The following IFT74 variants were observed in gnomAD, a reference collection of about 807,000 sequenced individuals.
The protein encoded by IFT74 is intraflagellar transport protein 74 homolog.
A neutral mutation model predicts 96.7 loss-of-function variants in IFT74; 92 were observed. That is an observed-to-expected ratio of 0.95 (90% CI 0.80 to 1.13). IFT74 has a LOEUF of 1.13. IFT74 is among the 50% of genes most tolerant of loss of function. The probability of loss-of-function intolerance (pLI) is 0.00; values close to 1 mark genes in which losing one functional copy is unlikely to be tolerated. For synonymous variants in IFT74, 223 were observed against 213.2 expected (o/e 1.05, Z -0.40); for missense variants, 811 against 698.2 (o/e 1.16, Z -1.82).
intron 8 of IFT74, among the ~76,000 whole-genome samples, chr9:27,002,643 T>C (rs1587329417): frequency 6.6e-6 from 1 of 152,224 alleles, no homozygotes; most frequent in Admixed American, 6.5e-5. Flanking sequence ...ATTCCATTGG[T>C]CTATGGATCT....
chr9:27,003,119 A>G (rs1828586757), intron 8 of IFT74, among the ~76,000 whole-genome samples: 1 of 151,912 alleles, frequency 6.6e-6, no homozygotes, highest in East Asian at 1.9e-4. Flanking sequence ...AATTCTACCA[A>G]TTTTTATATG....
At chr9:26,987,412 A>G (rs980059995) in intron 6 of IFT74, among the ~76,000 whole-genome samples, 1 of 152,148 alleles carries the variant, frequency 6.6e-6, no homozygotes, top group Non-Finnish European at 1.5e-5. Flanking sequence ...TTTTAAAGGT[A>G]TGAAATGACA....
At chr9:26,948,445 ATTATTTTTTTTTTTTTT>A (rs1825818672) in intron 1 of IFT74, among the ~76,000 whole-genome samples, 1 of 47,312 alleles carries the variant, frequency 2.1e-5, no homozygotes, top group African/African-American at 5.9e-5. Flanking sequence ...ATGGCTTTCC[ATTATTTTTTTTTTTTTT>A]TTTTTTTTTT....
upstream of IFT74, among the ~76,000 whole-genome samples, chr9:26,953,804 C>A (rs1826004944): frequency 6.7e-6 from 1 of 149,830 alleles, no homozygotes; most frequent in South Asian, 2.1e-4. Context: ...GCCACCACAC[C>A]TGGCCAAAAA....
chr9:26,974,763 T>C (rs1475219917), intron 2 of IFT74, among the ~76,000 whole-genome samples: 1 of 152,158 alleles, frequency 6.6e-6, no homozygotes, highest in Non-Finnish European at 1.5e-5. Flanking sequence ...AGGTATATAA[T>C]TGAGGTCCTA....
chr9:26,975,134 G>A (rs7034888), intron 2 of IFT74, among the ~76,000 whole-genome samples: 15,463 of 152,094 alleles, frequency 0.1, 1,807 homozygotes, highest in East Asian at 0.65. Flanking sequence ...GACCTGAGGC[G>A]GCAGCAGCTG....
chr9:26,998,346 G>GA (rs926676241), intron 8 of IFT74: 96 of 631,328 alleles, frequency 1.5e-4, no homozygotes, highest in African/African-American at 1.0e-3. Flanking sequence ...GTTATTTTGG[G>GA]AAAAAAACCT....
At chr9:26,998,005 T>G in intron 8 of IFT74, 1 of 1,613,980 alleles carries the variant, frequency 6.2e-7, no homozygotes, top group Non-Finnish European at 8.5e-7. Flanking sequence ...AGATGGAGTT[T>G]CTACAGATAT....
chr9:26,996,376 A>G, intron 8 of IFT74: 6 of 1,609,820 alleles, frequency 3.7e-6, no homozygotes, highest in Non-Finnish European at 5.1e-6. Flanking sequence ...CTGAAAATGA[A>G]TATAAAGATC....
At chr9:26,975,077 G>T (rs887081360) in intron 2 of IFT74, among the ~76,000 whole-genome samples, 1 of 147,586 alleles carries the variant, frequency 6.8e-6, no homozygotes, top group African/African-American at 2.5e-5. Flanking sequence ...CAAAGTCAGG[G>T]TTATAAGGAG....
intron 12 of IFT74, among the ~76,000 whole-genome samples, chr9:27,021,700 T>C (rs1298129678): frequency 6.6e-6 from 1 of 152,196 alleles, no homozygotes; most frequent in African/African-American, 2.4e-5. Flanking sequence ...CTTGCTGATT[T>C]GTTTGAACTT....
At chr9:26,979,567 A>G (rs1244700011) in intron 3 of IFT74, among the ~76,000 whole-genome samples, 1 of 151,992 alleles carries the variant, frequency 6.6e-6, no homozygotes, top group Non-Finnish European at 1.5e-5. Flanking sequence ...CTAGTGCCCC[A>G]TTTCCCAGTA....
rs1020005527 is a variant in IFT74, at chr9:26,984,953, G to A, written c.465+394G>A. Among the ~76,000 whole-genome samples, 3 of 152,208 alleles carry A rather than the reference G, an allele frequency of 2.0e-5. No individual in the cohort carries two copies. The East Asian group carries it at 5.8e-4, about 29-fold the overall frequency. On this transcript the variant is annotated intron_variant, in intron 6 of 19. Transcript: ENST00000380062. ...CATTCAGCCCGTCAATCCCATTACT[G>A]GATGTATACCCAAAGGAATATAAAT...
intron 10 of IFT74, among the ~76,000 whole-genome samples, chr9:27,015,258 A>G (rs1829285717): frequency 6.6e-6 from 1 of 152,108 alleles, no homozygotes; most frequent in African/African-American, 2.4e-5. Context: ...CTTGAACTGT[A>G]TATATAATCC....
chr9:27,034,449 G>A (rs1830261077), intron 13 of IFT74, among the ~76,000 whole-genome samples: 1 of 152,058 alleles, frequency 6.6e-6, no homozygotes, highest in African/African-American at 2.4e-5. Flanking sequence ...GCCTTGGTTA[G>A]GACCATTGTT....
At chr9:26,962,266 T>C (rs1389644360) in intron 2 of IFT74, among the ~76,000 whole-genome samples, 179 bp downstream of exon 2, 1 of 152,150 alleles carries the variant, frequency 6.6e-6, no homozygotes, top group Non-Finnish European at 1.5e-5. Flanking sequence ...AAGTTGGAAA[T>C]CCCCTCTGTA....
At chr9:26,984,580 G>T (rs777271037) in intron 6 of IFT74, 21 bp downstream of exon 6, 130 of 1,566,318 alleles carry the variant, frequency 8.3e-5, no homozygotes, top group Non-Finnish European at 1.1e-4. Context: ...TTTTCTAAGA[G>T]AATTTACTGT....
intron 4 of IFT74, 129 bp downstream of exon 4, chr9:26,980,748 G>GAT: frequency 1.7e-6 from 1 of 582,356 alleles, no homozygotes; most frequent in East Asian, 3.1e-5. Context: ...GGTATCTATT[G>GAT]ATTTCTAAAA....
intron 1 of IFT74, among the ~76,000 whole-genome samples, chr9:26,947,644 A>C (rs1825788557): frequency 6.6e-6 from 1 of 152,178 alleles, no homozygotes; most frequent in African/African-American, 2.4e-5. Flanking sequence ...TTCCCTGAGA[A>C]TCTCGAGGTT....
Sources: gnomAD v4.1 joint callset for allele counts (sites outside exome capture counted in the v4.1 genomes callset) on GRCh38, gnomAD v4.1.1 for gene constraint, MANE v1.5 for transcripts, NCBI Gene and HGNC (gene_info 2026-07-23, HGNC 2026-07-21) for gene names.